CATSPERE: variants seen among roughly 807,000 people sequenced by gnomAD.
The protein encoded by CATSPERE is catsper channel auxiliary subunit epsilon, also known as cation channel sperm-associated auxiliary subunit epsilon.
CATSPERE carries 93 observed loss-of-function variants against 114.1 expected under a neutral mutation model. The ratio of observed to expected loss-of-function variants is 0.81; its 90% CI spans 0.69 to 0.97. The LOEUF is 0.97. CATSPERE is among the 50% of genes least tolerant of loss of function. CATSPERE has a pLI of 0.00. For missense variants in CATSPERE, 1,058 were observed against 1,131.6 expected, an observed-to-expected ratio of 0.93 and a Z score of 0.93; for synonymous variants, 341 against 384.1, an observed-to-expected ratio of 0.89 and a Z score of 1.31.
intron 20 of CATSPERE, among the ~76,000 whole-genome samples, chr1:244,618,809 A>T (rs892070880): frequency 6.6e-6 from 1 of 152,156 alleles, no homozygotes; most frequent in Non-Finnish European, 1.5e-5. Flanking sequence ...AGTAAAAATA[A>T]GCTCTACATG....
At chr1:244,605,522 GA>G (rs530943889) in intron 17 of CATSPERE, among the ~76,000 whole-genome samples, 172 bp from the exon 18 acceptor site, 22 of 150,926 alleles carry the variant, frequency 1.5e-4, no homozygotes, top group Admixed American at 4.0e-4. Flanking sequence ...TTATTTTACA[GA>G]AAAAAAAATC....
chr1:244,522,856 C>G (rs532950169), intron 8 of CATSPERE, among the ~76,000 whole-genome samples: 3 of 152,146 alleles, frequency 2.0e-5, no homozygotes, highest in Non-Finnish European at 4.4e-5. Flanking sequence ...GCTTACCAAC[C>G]AAAAAGAGTC....
At chr1:244,605,853 T>C in intron 18 of CATSPERE, 59 bp downstream of exon 18, 1 of 1,200,592 alleles carries the variant, frequency 8.3e-7, no homozygotes, top group Middle Eastern at 2.0e-4. Context: ...GTCTTCCTGT[T>C]TTAAATTTAT....
Position 244,461,393 on chromosome 1 carries a change from G to T in CATSPERE, c.-37G>T. On this transcript the variant is annotated 5_prime_UTR_variant, in exon 1 of 22. Coordinates refer to ENST00000366534, the MANE Select transcript of CATSPERE (RefSeq NM_001130957.2). ...GGGAATGCGCGAGGCCTGGACGGGA[G>T]TGGCCGAGGCGGTTGGGCGGAGGCG... The T allele has an allele frequency of 7.5e-7, 1 of 1,340,118 alleles. No individual in the cohort carries two copies. 83.0% of individuals were successfully genotyped at this position (1,340,118 alleles called of 1,614,324 possible).
chr1:244,590,196 C>T (rs1340898018), intron 14 of CATSPERE, among the ~76,000 whole-genome samples: 2 of 152,206 alleles, frequency 1.3e-5, no homozygotes, highest in Non-Finnish European at 2.9e-5. Context: ...TAACTAAAAA[C>T]TCCTATAATT....
rs1456875190 is a variant in CATSPERE, at chr1:244,583,966, A to G, written c.2085+27A>G. 5.6e-6 allele frequency: 9 copies of G among 1,598,476 alleles called. No individual in the cohort carries two copies. The East Asian group carries it at 2.0e-4, about 36-fold the overall frequency. ...TAAGCGACATGGGCTGAAGACCCAA[A>G]TATTTCACTTCAAGAATGTATAGGC... On this transcript the variant is annotated intron_variant, in intron 13 of 21. Coordinates refer to ENST00000366534, the MANE Select transcript of CATSPERE (RefSeq NM_001130957.2).
chr1:244,497,701 G>C (rs553659417), intron 6 of CATSPERE, among the ~76,000 whole-genome samples: 5 of 152,330 alleles, frequency 3.3e-5, no homozygotes, highest in Admixed American at 2.6e-4. Flanking sequence ...GGAAGCTGAG[G>C]CAGGAAAATC....
chr1:244,527,746 G>A (rs9429009), intron 8 of CATSPERE, among the ~76,000 whole-genome samples: 19,568 of 152,056 alleles, frequency 0.13, 2,193 homozygotes, highest in African/African-American at 0.3. Context: ...TTAATTTGGG[G>A]AACTAATAAA....
chr1:244,475,397 G>A (rs1020157393), intron 2 of CATSPERE, among the ~76,000 whole-genome samples: 1 of 149,810 alleles, frequency 6.7e-6, no homozygotes, highest in Non-Finnish European at 1.5e-5. Flanking sequence ...CCATGCCTGG[G>A]CAATTTTTGT....
intron 5 of CATSPERE, among the ~76,000 whole-genome samples, chr1:244,480,372 C>G (rs535434157): frequency 6.6e-6 from 1 of 152,086 alleles, no homozygotes; most frequent in African/African-American, 2.4e-5. Context: ...TCCCAGGCAC[C>G]GTGTAGGACA....
chr1:244,451,578 A>C, upstream of CATSPERE: 3 of 1,529,654 alleles, frequency 2.0e-6, no homozygotes, highest in Non-Finnish European at 2.6e-6. This position sits in a 1 kb window ranked among gnomAD's most constrained non-coding sequence, Gnocchi z 6.6. Flanking sequence ...GGGCACCAGG[A>C]GCCAGGCAGC....
rs999282012 is a variant in CATSPERE, at chr1:244,591,215, T to C, written c.2139-466T>C. Among the ~76,000 whole-genome samples, 5 of 152,378 alleles carry C rather than the reference T, an allele frequency of 3.3e-5. No homozygotes were observed. The East Asian group carries it at 9.6e-4, about 29-fold the overall frequency. On this transcript the variant is annotated intron_variant, in intron 14 of 21. Transcript: ENST00000366534. Reference sequence around the variant, plus strand: ...AAATACATTGTGGACTGACTGAATCTAGCTAGTTAACATATGTCTTACCTC... The same window carrying C: ...AAATACATTGTGGACTGACTGAATCCAGCTAGTTAACATATGTCTTACCTC...
At chr1:244,576,623 C>A (rs1274063253) in intron 11 of CATSPERE, among the ~76,000 whole-genome samples, 2 of 151,768 alleles carry the variant, frequency 1.3e-5, no homozygotes, top group Non-Finnish European at 2.9e-5. Flanking sequence ...TATAAATATA[C>A]TGTGTATATT....
chr1:244,564,944 G>C (rs903653076), intron 10 of CATSPERE, among the ~76,000 whole-genome samples: 2 of 152,104 alleles, frequency 1.3e-5, no homozygotes. Flanking sequence ...TTTATTGAGA[G>C]TTTTTAGCAT....
intron 6 of CATSPERE, among the ~76,000 whole-genome samples, chr1:244,498,268 T>C (rs1175297570): frequency 1.3e-5 from 2 of 152,170 alleles, no homozygotes; most frequent in Non-Finnish European, 2.9e-5. Context: ...TTTAGCATGC[T>C]AGCATTTTGT....
At position 244,591,675 on chromosome 1, in the gene CATSPERE, T is replaced by G. The variant is rs746376770; in HGVS notation, c.2139-6T>G. The stretch of plus-strand genomic sequence containing the variant: ...TTTCAACTTCATTATGTTTTGTCTT[T>G]TGTAGATTTAGTAAAAAAGGATGTC... On this transcript the variant is annotated splice_region_variant and splice_polypyrimidine_tract_variant and intron_variant, in intron 14 of 21. Transcript: ENST00000366534. 3 of 1,474,420 alleles carry G rather than the reference T, an allele frequency of 2.0e-6. No homozygotes were observed. The highest frequency in any genetic ancestry group is 2.8e-6 in the Non-Finnish European group (3 of 1,066,600). 91.3% of individuals were successfully genotyped at this position (1,474,420 alleles called of 1,614,324 possible).
intron 10 of CATSPERE, among the ~76,000 whole-genome samples, chr1:244,561,858 A>G (rs116766885): frequency 6.6e-6 from 1 of 152,258 alleles, no homozygotes; most frequent in African/African-American, 2.4e-5. Context: ...AACTATTAAG[A>G]AACTCCTGTG....
intron 18 of CATSPERE, among the ~76,000 whole-genome samples, chr1:244,608,551 A>C (rs534943818): frequency 7.0e-4 from 106 of 152,004 alleles, no homozygotes; most frequent in African/African-American, 2.5e-3. Flanking sequence ...AAAAAAAAAA[A>C]ATTGCATTTC....
intron 20 of CATSPERE, among the ~76,000 whole-genome samples, chr1:244,625,530 G>A (rs1314027200): frequency 6.9e-6 from 1 of 144,058 alleles, no homozygotes; most frequent in African/African-American, 2.6e-5. Context: ...CAGGGTTCAA[G>A]CAATTCTCCT....
Sources: gnomAD v4.1 joint callset for allele counts (sites outside exome capture counted in the v4.1 genomes callset) on GRCh38, gnomAD v4.1.1 for gene constraint, Gnocchi (gnomAD v3.1) non-coding constraint, MANE v1.5 for transcripts, NCBI Gene and HGNC (gene_info 2026-07-23, HGNC 2026-07-21) for gene names.